The following DLG2 variants were observed in gnomAD, a reference collection of about 807,000 sequenced individuals.
The protein encoded by DLG2 is disks large homolog 2.
In DLG2, 45 loss-of-function variants were observed where a neutral mutation model predicts 132.5. The observed-to-expected ratio is 0.34, with a 90% CI of 0.27 to 0.44. The LOEUF (loss-of-function observed/expected upper bound fraction) is 0.44, where lower values mean the gene tolerates loss of function less well. Among genes scored for constraint, DLG2 ranks in the 20% least tolerant of loss-of-function variants. The pLI, the probability that DLG2 is intolerant of heterozygous loss-of-function variation, is 1.00. For missense variants in DLG2, 1,045 were observed against 1,196.9 expected (o/e 0.87, Z 1.87); for synonymous variants, 424 against 419.6 (o/e 1.01, Z -0.13).
chr11:83,626,639 A>C (rs895743092), intron 19 of DLG2, among the ~76,000 whole-genome samples: 1 of 152,182 alleles, frequency 6.6e-6, no homozygotes, highest in African/African-American at 2.4e-5. Context: ...TAAGACTTTG[A>C]AATTCAGAAC....
chr11:85,405,822 G>C (rs1397774701), intron 3 of DLG2, among the ~76,000 whole-genome samples: 1 of 151,900 alleles, frequency 6.6e-6, no homozygotes, highest in Non-Finnish European at 1.5e-5. Flanking sequence ...GAAAAGTATT[G>C]AATCCAGACA....
chr11:83,562,109 G>T (rs1459563718), intron 19 of DLG2, among the ~76,000 whole-genome samples: 1 of 151,766 alleles, frequency 6.6e-6, no homozygotes, highest in South Asian at 2.1e-4. Context: ...GGTTGGTGTC[G>T]ATCTCTTGAC....
intron 7 of DLG2, among the ~76,000 whole-genome samples, chr11:84,314,670 T>A (rs181006845): frequency 1.3e-5 from 2 of 151,964 alleles, no homozygotes; most frequent in African/African-American, 4.8e-5. Flanking sequence ...ACAGAAAAAT[T>A]GAAATAATAT....
At chr11:83,560,950 T>C (rs1376492588) in intron 19 of DLG2, among the ~76,000 whole-genome samples, 1 of 152,062 alleles carries the variant, frequency 6.6e-6, no homozygotes, top group African/African-American at 2.4e-5. Context: ...CCACAGGCAG[T>C]AGAGAAAGCA....
intron 8 of DLG2, among the ~76,000 whole-genome samples, chr11:84,183,992 T>C (rs1292302949): frequency 6.6e-6 from 1 of 151,978 alleles, no homozygotes; most frequent in Admixed American, 6.6e-5. Flanking sequence ...ACATTTGGGT[T>C]GGTTCCAAGT....
intron 7 of DLG2, among the ~76,000 whole-genome samples, chr11:84,354,389 T>C (rs116234836): frequency 0.012 from 1,817 of 152,284 alleles, 38 homozygotes; most frequent in African/African-American, 0.041. Flanking sequence ...AAAATTCTAC[T>C]TGCCTGCATA....
At chr11:84,016,212 C>T (rs1387686756) in intron 11 of DLG2, among the ~76,000 whole-genome samples, 2 of 152,044 alleles carry the variant, frequency 1.3e-5, no homozygotes, top group African/African-American at 4.8e-5. Flanking sequence ...GTCCTTTGTC[C>T]ACTTTTTAAT....
chr11:83,754,015 G>C (rs2093543347), intron 18 of DLG2, among the ~76,000 whole-genome samples: 1 of 148,700 alleles, frequency 6.7e-6, no homozygotes. Flanking sequence ...ACCAAATCCT[G>C]CCTCTGCCCC....
intron 11 of DLG2, among the ~76,000 whole-genome samples, chr11:84,037,117 A>T (rs779986003): frequency 2.6e-5 from 4 of 152,182 alleles, no homozygotes; most frequent in Admixed American, 1.3e-4. Flanking sequence ...TCCATGTAAC[A>T]GGTAATATAC....
intron 16 of DLG2, among the ~76,000 whole-genome samples, chr11:83,864,220 C>A (rs1253287013): frequency 2.0e-5 from 3 of 152,180 alleles, no homozygotes; most frequent in Non-Finnish European, 4.4e-5. Context: ...GTGCTAGTAG[C>A]TTCCCTCAAA....
chr11:84,834,959 A>G (rs1460509115), intron 6 of DLG2, among the ~76,000 whole-genome samples: 1 of 151,608 alleles, frequency 6.6e-6, no homozygotes, highest in African/African-American at 2.4e-5. Context: ...GAAAATGCTA[A>G]TACTTCCTAA....
chr11:85,526,580 T>G (rs1028907890), intron 3 of DLG2, among the ~76,000 whole-genome samples: 1 of 152,214 alleles, frequency 6.6e-6, no homozygotes, highest in Non-Finnish European at 1.5e-5. Context: ...TCTGGAGTTA[T>G]ACCAAGAATG....
chr11:85,454,891 G>A (rs964943830), intron 3 of DLG2, among the ~76,000 whole-genome samples: 5 of 151,902 alleles, frequency 3.3e-5, no homozygotes, highest in African/African-American at 9.7e-5. Context: ...TGGTCTATGT[G>A]TCTGTTTTCG....
chr11:84,364,869 T>C (rs1282414524), intron 7 of DLG2, among the ~76,000 whole-genome samples: 1 of 152,328 alleles, frequency 6.6e-6, no homozygotes, highest in African/African-American at 2.4e-5. Flanking sequence ...GCTCACTTGA[T>C]CATGGTGGAT....
At chr11:84,889,499 T>A (rs1233064760) in intron 6 of DLG2, among the ~76,000 whole-genome samples, 1 of 152,080 alleles carries the variant, frequency 6.6e-6, no homozygotes, top group Non-Finnish European at 1.5e-5. Flanking sequence ...CAACCATTAC[T>A]ACAGAAAACA....
chr11:84,928,035 C>CA (rs1421780714), intron 6 of DLG2, among the ~76,000 whole-genome samples: 10 of 151,730 alleles, frequency 6.6e-5, no homozygotes, highest in Non-Finnish European at 1.3e-4. Context: ...TTGGCTCTCA[C>CA]AAAAAATAGG....
At chr11:85,299,541 T>C (rs1485839622) in intron 3 of DLG2, among the ~76,000 whole-genome samples, 1 of 152,186 alleles carries the variant, frequency 6.6e-6, no homozygotes, top group Non-Finnish European at 1.5e-5. Flanking sequence ...ACTTTGCATT[T>C]ATCTTGTGAT....
chr11:84,568,058 C>G (rs1247683505), intron 6 of DLG2, among the ~76,000 whole-genome samples: 1 of 152,150 alleles, frequency 6.6e-6, no homozygotes, highest in Non-Finnish European at 1.5e-5. Flanking sequence ...TCAGGAAGGC[C>G]ACTTTGGTTT....
At chr11:84,991,857 T>G (rs934259114) in intron 6 of DLG2, among the ~76,000 whole-genome samples, 1 of 152,228 alleles carries the variant, frequency 6.6e-6, no homozygotes, top group Non-Finnish European at 1.5e-5. Flanking sequence ...TCTCTTCTTA[T>G]GTTTGGAATC....
Sources: gnomAD v4.1 joint callset for allele counts (sites outside exome capture counted in the v4.1 genomes callset) on GRCh38, gnomAD v4.1.1 for gene constraint, MANE v1.5 for transcripts, NCBI Gene and HGNC (gene_info 2026-07-23, HGNC 2026-07-21) for gene names.